Variants in PPM1H observed in about 807,000 individuals in gnomAD.
The protein encoded by PPM1H is protein phosphatase 1H.
A neutral mutation model predicts 54.9 loss-of-function variants in PPM1H; 27 were observed. The observed-to-expected ratio is 0.49, with a 90% CI of 0.36 to 0.68. PPM1H has a LOEUF of 0.68. Among genes scored for constraint, PPM1H ranks in the 30% least tolerant of loss-of-function variants. The pLI, the probability that PPM1H is intolerant of heterozygous loss-of-function variation, is 0.00. For missense variants in PPM1H, 596 were observed against 667.8 expected, an observed-to-expected ratio of 0.89 and a Z score of 1.19; for synonymous variants, 305 against 270.8, an observed-to-expected ratio of 1.13 and a Z score of -1.24.
chr12:62,761,458 C>T (rs1024998999), intron 4 of PPM1H, among the ~76,000 whole-genome samples: 12 of 151,954 alleles, frequency 7.9e-5, no homozygotes, highest in Admixed American at 7.9e-4. Context: ...TCTTTTTTGC[C>T]TGTTTATATT....
At chr12:62,747,350 G>A (rs1412795343) in intron 4 of PPM1H, among the ~76,000 whole-genome samples, 1 of 152,084 alleles carries the variant, frequency 6.6e-6, no homozygotes, top group Non-Finnish European at 1.5e-5. Context: ...TGGTCAGGCT[G>A]ATCTCAAACT....
At chr12:62,665,686 T>C (rs890821451) in intron 9 of PPM1H, among the ~76,000 whole-genome samples, 1 of 152,238 alleles carries the variant, frequency 6.6e-6, no homozygotes, top group African/African-American at 2.4e-5. Flanking sequence ...TCTTAAAAAT[T>C]GTTTAGTCAT....
Position 62,806,785 on chromosome 12 carries a change from T to C in PPM1H, c.412-4625A>G, listed in dbSNP as rs548391131. 7.2e-5 allele frequency among the ~76,000 whole-genome samples: 11 copies of C among 152,326 alleles called. 1 individual carries two copies. In the South Asian group the frequency reaches 2.3e-3, roughly 32 times the overall value. ...GGACCAGTGAGCCAGTTAAACCTCT[T>C]TTCTTTATAAATTACCCAGTTTCAG... On this transcript the variant is annotated intron_variant, in intron 2 of 9. Transcript: ENST00000228705.
intron 4 of PPM1H, among the ~76,000 whole-genome samples, chr12:62,771,297 C>G (rs949307011): frequency 8.8e-5 from 5 of 56,824 alleles, no homozygotes; most frequent in African/African-American, 2.7e-4. Flanking sequence ...TTTGTGAAGA[C>G]ACACACACAC....
At chr12:62,708,490 A>G (rs1215387941) in intron 6 of PPM1H, among the ~76,000 whole-genome samples, 1 of 152,204 alleles carries the variant, frequency 6.6e-6, no homozygotes, top group African/African-American at 2.4e-5. Flanking sequence ...AAATTTATCA[A>G]GCTCTGGTAA....
intron 7 of PPM1H, among the ~76,000 whole-genome samples, chr12:62,690,296 T>C (rs560226823): frequency 1.3e-5 from 2 of 152,210 alleles, no homozygotes; most frequent in Non-Finnish European, 2.9e-5. Context: ...CTGTGATATG[T>C]ACTAGTAAAA....
chr12:62,803,183 G>C (rs577841692), intron 2 of PPM1H, among the ~76,000 whole-genome samples: 1 of 151,968 alleles, frequency 6.6e-6, no homozygotes, highest in Non-Finnish European at 1.5e-5. Flanking sequence ...TGTCACTCTC[G>C]GTCTCTCCAT....
chr12:62,889,917 T>C (rs999976881), intron 1 of PPM1H, among the ~76,000 whole-genome samples: 1 of 152,184 alleles, frequency 6.6e-6, no homozygotes, highest in Admixed American at 6.5e-5. Flanking sequence ...AAAGAAATAA[T>C]TGATAAGCTA....
chr12:62,771,045 GACACACACACACACACACACACACAC>G (rs71086630), intron 4 of PPM1H, among the ~76,000 whole-genome samples: 1 of 129,420 alleles, frequency 7.7e-6, no homozygotes, highest in South Asian at 2.7e-4. Context: ...AAAAGAAAAA[GACACACACACACACACACACACACAC>G]ACACACACAC....
At chr12:62,725,884 AC>A (rs374132405) in intron 5 of PPM1H, among the ~76,000 whole-genome samples, 4 of 151,536 alleles carry the variant, frequency 2.6e-5, no homozygotes, top group African/African-American at 7.3e-5. Flanking sequence ...TGTCATAGTC[AC>A]CCCCCCACTG....
intron 9 of PPM1H, among the ~76,000 whole-genome samples, chr12:62,661,453 T>C (rs879278793): frequency 1.7e-4 from 26 of 152,244 alleles, no homozygotes; most frequent in Non-Finnish European, 3.1e-4. Flanking sequence ...CAGGCTGGAG[T>C]GCAGTGGCAC....
chr12:62,851,966 G>A (rs1373791410), intron 1 of PPM1H, among the ~76,000 whole-genome samples: 1 of 152,074 alleles, frequency 6.6e-6, no homozygotes, highest in African/African-American at 2.4e-5. Flanking sequence ...GGGCGCGGTG[G>A]CTCACGCCTG....
At chr12:62,829,074 T>A (rs1868323064) in intron 2 of PPM1H, among the ~76,000 whole-genome samples, 1 of 152,150 alleles carries the variant, frequency 6.6e-6, no homozygotes, top group Non-Finnish European at 1.5e-5. Flanking sequence ...AATTATCACA[T>A]AATTCATCAA....
chr12:62,659,808 G>C (rs1304729998), intron 9 of PPM1H, among the ~76,000 whole-genome samples: 1 of 152,166 alleles, frequency 6.6e-6, no homozygotes, highest in East Asian at 1.9e-4. Context: ...AGATGCAGAA[G>C]CACCTTACCC....
At chr12:62,770,399 C>T (rs1384110685) in intron 4 of PPM1H, among the ~76,000 whole-genome samples, 1 of 152,176 alleles carries the variant, frequency 6.6e-6, no homozygotes, top group Non-Finnish European at 1.5e-5. Context: ...GAAGCCAGGA[C>T]CTGAATCCAG....
chr12:62,791,832 G>A (rs1453734332), intron 3 of PPM1H, among the ~76,000 whole-genome samples: 1 of 152,156 alleles, frequency 6.6e-6, no homozygotes, highest in Non-Finnish European at 1.5e-5. Flanking sequence ...GCTGAGATAG[G>A]AGAATTGCTT....
At chr12:62,767,892 T>G (rs2120637356) in intron 4 of PPM1H, among the ~76,000 whole-genome samples, 1 of 152,304 alleles carries the variant, frequency 6.6e-6, no homozygotes, top group Non-Finnish European at 1.5e-5. Context: ...TTCCTCCATT[T>G]TAACTGGGTC....
At chr12:62,676,298 T>C (rs1163846598) in intron 8 of PPM1H, among the ~76,000 whole-genome samples, 2 of 152,194 alleles carry the variant, frequency 1.3e-5, no homozygotes, top group African/African-American at 4.8e-5. Flanking sequence ...AGCTTATTGA[T>C]GGCAGTAGCA....
chr12:62,917,774 G>A (rs1022313902), intron 1 of PPM1H, among the ~76,000 whole-genome samples: 1 of 151,728 alleles, frequency 6.6e-6, no homozygotes, highest in Non-Finnish European at 1.5e-5. Flanking sequence ...ACCTGTGCTT[G>A]GTGCTCATTC....
Sources: allele counts gnomAD v4.1 joint callset (sites outside exome capture counted in the v4.1 genomes callset), GRCh38; gene constraint gnomAD v4.1.1; transcripts MANE v1.5; gene names NCBI Gene and HGNC (gene_info 2026-07-23, HGNC 2026-07-21).